Variants in PGD observed in about 807,000 individuals in gnomAD.
PGD encodes the protein 6-phosphogluconate dehydrogenase, decarboxylating.
A neutral mutation model predicts 60.4 loss-of-function variants in PGD; 21 were observed. The observed-to-expected ratio is 0.35, with a 90% CI of 0.25 to 0.50. The LOEUF (loss-of-function observed/expected upper bound fraction) is 0.50, where lower values mean the gene tolerates loss of function less well. Among genes scored for constraint, PGD ranks in the 20% least tolerant of loss-of-function variants. The pLI, the probability that PGD is intolerant of heterozygous loss-of-function variation, is 0.98. For synonymous variants in PGD, 230 were observed against 235.9 expected (o/e 0.97, Z 0.23); for missense variants, 477 against 613.1 (o/e 0.78, Z 2.34).
At chr1:10,403,157 A>G (rs1222456252) in intron 4 of PGD, 21 bp downstream of exon 4, 1 of 1,543,394 alleles carries the variant, frequency 6.5e-7, no homozygotes, top group Non-Finnish European at 9.0e-7. Context: ...TTCAGTCCAG[A>G]TTCTTCCAGG....
At chr1:10,404,092 G>A in intron 4 of PGD, 69 bp from the exon 5 acceptor site, 1 of 1,068,118 alleles carries the variant, frequency 9.4e-7, no homozygotes, top group Non-Finnish European at 1.4e-6. Flanking sequence ...ACATTTTTGG[G>A]TAGCATAATG....
chr1:10,405,616 G>A (rs1349275863), intron 5 of PGD, among the ~76,000 whole-genome samples: 1 of 151,034 alleles, frequency 6.6e-6, no homozygotes, highest in African/African-American at 2.4e-5. Context: ...GAGATGGGAG[G>A]ATCACTTGAG....
intron 3 of PGD, among the ~76,000 whole-genome samples, chr1:10,401,568 A>C (rs1639316399): frequency 6.6e-6 from 1 of 152,222 alleles, no homozygotes. Context: ...AAGAACACTG[A>C]GTTTAAAAAA....
At chr1:10,406,389 A>G (rs1161897354) in intron 5 of PGD, among the ~76,000 whole-genome samples, 7 of 139,304 alleles carry the variant, frequency 5.0e-5, no homozygotes, top group Non-Finnish European at 7.6e-5. Flanking sequence ...GTTTCTTAAG[A>G]AAAAAAAAAA....
At chr1:10,406,199 T>C (rs1639401507) in intron 5 of PGD, among the ~76,000 whole-genome samples, 1 of 152,102 alleles carries the variant, frequency 6.6e-6, no homozygotes, top group Admixed American at 6.6e-5. Flanking sequence ...GTCTGGGGAT[T>C]CTCTTCAGTG....
chr1:10,404,201 T>C lies in PGD; in HGVS notation c.371T>C (p.Val124Ala), dbSNP rs1034930019. ...CTCAAGGCCAAGGGAATTTTATTTG[T>C]GGGGAGCGGAGTCAGTGGTGGAGAG... ...RDLKAKGILF[V>A]GSGVSGGEEG... Residue 124 changes from valine to alanine, a missense_variant, in exon 5 of 13, where the codon GTG becomes GCG. This residue lies in a region of PGD where 431 missense variants were observed against 556.6 expected (regional missense o/e 0.77). Transcript: ENST00000270776. 17 of 1,613,744 alleles carry C rather than the reference T, an allele frequency of 1.1e-5. No homozygotes were observed. Among genetic ancestry groups the C allele is most frequent in the Non-Finnish European group, 1.4e-5 (16 of 1,179,910 alleles).
intron 7 of PGD, 96 bp from the exon 8 acceptor site, chr1:10,412,966 A>C: frequency 1.6e-5 from 17 of 1,043,402 alleles, no homozygotes; most frequent in Middle Eastern, 2.9e-4. Context: ...GCCTGCTGGC[A>C]ACCGTGAGCA....
intron 8 of PGD, among the ~76,000 whole-genome samples, chr1:10,415,767 T>C (rs1332342385): frequency 1.3e-5 from 2 of 152,214 alleles, no homozygotes; most frequent in African/African-American, 4.8e-5. Flanking sequence ...GGGGAAAAAG[T>C]GGTTAAAGAG....
At position 10,399,142 on chromosome 1, in the gene PGD, G is replaced by C; in HGVS notation, c.8+17G>C. 6.2e-7 allele frequency: 1 copy of C among 1,608,454 alleles called. No homozygotes were observed. The highest frequency in any genetic ancestry group is 8.5e-7 in the Non-Finnish European group (1 of 1,179,514). On this transcript the variant is annotated intron_variant, in intron 1 of 12. Transcript: ENST00000270776. ...CATGGCCCAGTGAGTGACTCGCCAG[G>C]GGCAGCCCGGCTCGGCCTCAGCGGG... is the stretch of plus-strand genomic sequence containing the variant.
intron 8 of PGD, among the ~76,000 whole-genome samples, chr1:10,414,059 C>CA (rs1431874115): frequency 6.6e-6 from 1 of 152,028 alleles, no homozygotes; most frequent in Non-Finnish European, 1.5e-5. Context: ...CCATCCCCTC[C>CA]AAAAAAAGTT....
intron 6 of PGD, among the ~76,000 whole-genome samples, chr1:10,409,759 G>A (rs1018401159): frequency 2.1e-5 from 3 of 144,986 alleles, no homozygotes; most frequent in African/African-American, 7.7e-5. Flanking sequence ...GGGTTCAAGC[G>A]ATTCTCATGC....
chr1:10,400,515 G>A lies in PGD; in HGVS notation c.207G>A (p.Arg69=). 6.2e-7 allele frequency: 1 copy of A among 1,614,092 alleles called. No homozygotes were observed. Among genetic ancestry groups the A allele is most frequent in the Non-Finnish European group, 8.5e-7 (1 of 1,180,016 alleles). ...TGGTCTCCAAGCTGAAGAAGCCCCG[G>A]CGGATCATCCTCCTGGTGAAGGCTG... ...KEMVSKLKKP[R]RIILLVKAGQ... Residue 69 remains arginine (R), a synonymous_variant, in exon 3 of 13, where the codon CGG becomes CGA. Coordinates refer to ENST00000270776, the MANE Select transcript of PGD (RefSeq NM_002631.4).
intron 5 of PGD, among the ~76,000 whole-genome samples, chr1:10,407,814 C>T (rs1394654506): frequency 2.6e-5 from 4 of 151,980 alleles, no homozygotes; most frequent in Non-Finnish European, 4.4e-5. Flanking sequence ...GGTGTGGTGT[C>T]ACATACCTGT....
At chr1:10,405,971 A>C (rs1319107521) in intron 5 of PGD, among the ~76,000 whole-genome samples, 1 of 152,092 alleles carries the variant, frequency 6.6e-6, no homozygotes, top group Non-Finnish European at 1.5e-5. Context: ...CTCTCGCCTC[A>C]GCCTCCCAAG....
rs1235864320 is a variant in PGD at position 10,413,250 on chromosome 1, T to C, written c.843T>C (p.Ile281=). The C allele has an allele frequency of 1.2e-6, 2 of 1,613,480 alleles. No homozygotes were observed. The highest frequency in any genetic ancestry group is 1.7e-6 in the Non-Finnish European group (2 of 1,179,486). ...AATACGGCGTACCCGTCACCCTCATTGGTAATGTTATGCTTTTCACATGGG... is the reference window on the plus strand; with the variant it reads ...AATACGGCGTACCCGTCACCCTCATCGGTAATGTTATGCTTTTCACATGGG... ...ALEYGVPVTL[I]GEAVFARCLS... is the part of the protein sequence containing the mutation. Residue 281 remains isoleucine, a splice_region_variant and synonymous_variant, in exon 8 of 13, where the codon ATT becomes ATC. Coordinates refer to ENST00000270776, the MANE Select transcript of PGD (RefSeq NM_002631.4).
intron 8 of PGD, among the ~76,000 whole-genome samples, chr1:10,416,526 T>C (rs1429216284): frequency 6.6e-6 from 1 of 152,214 alleles, no homozygotes; most frequent in Admixed American, 6.5e-5. Flanking sequence ...GTAATTTTCA[T>C]GCGCATCCGT....
chr1:10,399,169 G>A, intron 1 of PGD, 44 bp downstream of exon 1: 5 of 1,603,970 alleles, frequency 3.1e-6, no homozygotes, highest in Non-Finnish European at 4.2e-6. Context: ...CTCAGCGGGC[G>A]GGGAACTCTT....
Position 10,419,544 on chromosome 1 carries a change from G to T in PGD, c.1332+5G>T. ...CTTCCAGCCAGCCTCATCCAGGTAA[G>T]CCTGTGGAGCAGGGATTAACCTGGC... On this transcript the variant is annotated splice_donor_5th_base_variant and intron_variant, in intron 12 of 12. Transcript: ENST00000270776. The T allele has an allele frequency of 1.2e-6, 2 of 1,614,068 alleles. No homozygotes were observed. The highest frequency in any genetic ancestry group is 2.2e-5 in the East Asian group (1 of 44,872).
chr1:10,405,388 A>T (rs1639383212), intron 5 of PGD, among the ~76,000 whole-genome samples: 1 of 67,208 alleles, frequency 1.5e-5, no homozygotes, highest in Non-Finnish European at 3.2e-5. Flanking sequence ...AACAAAACAA[A>T]ACAAACAAAA....
Sources: gnomAD v4.1 joint callset for allele counts (sites outside exome capture counted in the v4.1 genomes callset) on GRCh38, gnomAD v4.1.1 for gene constraint, gnomAD v4.1.1 regional missense constraint, MANE v1.5 for transcripts, NCBI Gene and HGNC (gene_info 2026-07-23, HGNC 2026-07-21) for gene names.